Variants in UBE2K observed in about 807,000 individuals in gnomAD.
UBE2K encodes the protein ubiquitin conjugating enzyme E2 K.
Under a neutral mutation model 30.0 loss-of-function variants are expected in UBE2K, and 6 were observed. That is an observed-to-expected ratio of 0.20 (90% CI 0.11 to 0.39). The LOEUF (loss-of-function observed/expected upper bound fraction) is 0.39. UBE2K is among the 10% of genes least tolerant of loss of function. UBE2K has a pLI of 1.00. For missense variants in UBE2K, 61 were observed against 241.6 expected (o/e 0.25, Z 4.96); for synonymous variants, 86 against 83.7 (o/e 1.03, Z -0.15).
chr4:39,723,720 G>A (rs927585190), intron 1 of UBE2K, among the ~76,000 whole-genome samples: 22 of 152,260 alleles, frequency 1.4e-4, no homozygotes, highest in African/African-American at 5.3e-4. Context: ...GAATGTCTTT[G>A]TAATTTAAAT....
At chr4:39,733,916 C>T (rs948252845) in intron 1 of UBE2K, among the ~76,000 whole-genome samples, 10 of 151,944 alleles carry the variant, frequency 6.6e-5, no homozygotes, top group Admixed American at 2.6e-4. Flanking sequence ...ACTTTAAGTT[C>T]GCTTGTGGGA....
At chr4:39,715,183 G>T (rs866106609) in intron 1 of UBE2K, among the ~76,000 whole-genome samples, 1 of 151,442 alleles carries the variant, frequency 6.6e-6, no homozygotes, top group African/African-American at 2.4e-5. Flanking sequence ...CCGCCACCAC[G>T]CCCGGATAAT....
intron 1 of UBE2K, among the ~76,000 whole-genome samples, chr4:39,718,807 G>A (rs1051559328): frequency 2.6e-5 from 4 of 152,236 alleles, no homozygotes; most frequent in African/African-American, 7.2e-5. Flanking sequence ...TGCTGAGCCC[G>A]CCAAGCCCAC....
chr4:39,760,893 C>CT (rs879452976), intron 4 of UBE2K: 1 of 152,164 alleles, frequency 6.6e-6, no homozygotes, highest in African/African-American at 2.4e-5. Context: ...TAAAAATACT[C>CT]TATTTTTATC....
chr4:39,776,055 C>G (rs553011882), intron 5 of UBE2K, among the ~76,000 whole-genome samples: 1 of 152,284 alleles, frequency 6.6e-6, no homozygotes, highest in East Asian at 1.9e-4. Flanking sequence ...GCCCTCTCTC[C>G]TAAGCACGAG....
chr4:39,755,860 A>AT (rs11389468), intron 4 of UBE2K, 121 bp downstream of exon 4: 539,671 of 682,896 alleles, frequency 0.79, 215,060 homozygotes, highest in East Asian at 0.92. Context: ...CAGTAACTTT[A>AT]AAAGTCTCTT....
At chr4:39,727,372 G>C (rs1719812124) in intron 1 of UBE2K, among the ~76,000 whole-genome samples, 2 of 152,028 alleles carry the variant, frequency 1.3e-5, no homozygotes, top group South Asian at 4.1e-4. Context: ...CTTATGGGGG[G>C]AGCGCTGAGA....
chr4:39,773,982 C>G (rs1464698215), intron 4 of UBE2K, among the ~76,000 whole-genome samples: 1 of 151,950 alleles, frequency 6.6e-6, no homozygotes, highest in Non-Finnish European at 1.5e-5. Context: ...AAGGACAGTT[C>G]AGAATTCGAG....
At chr4:39,712,465 T>C (rs933141896) in intron 1 of UBE2K, among the ~76,000 whole-genome samples, 2 of 151,126 alleles carry the variant, frequency 1.3e-5, no homozygotes, top group Non-Finnish European at 2.9e-5. Flanking sequence ...ACTCTCGCTT[T>C]ATCGCCCAGG....
At position 39,717,378 on chromosome 4, in the gene UBE2K, A is replaced by G. The variant is rs369848073; in HGVS notation, c.63+18988A>G. On this transcript the variant is annotated intron_variant, in intron 1 of 6. Coordinates refer to ENST00000261427, the MANE Select transcript of UBE2K (RefSeq NM_005339.5). ...CCTGAGTAGCTGGGATTACAGATGC[A>G]TGCTGCCACACCCGGCTAATTTTTG... Among the ~76,000 whole-genome samples the G allele has an allele frequency of 2.8e-4, 42 of 152,056 alleles. No individual in the cohort carries two copies. In the East Asian group the frequency reaches 7.2e-3, roughly 26 times the overall value.
At chr4:39,762,730 G>A (rs1428699073) in intron 4 of UBE2K, among the ~76,000 whole-genome samples, 1 of 152,190 alleles carries the variant, frequency 6.6e-6, no homozygotes, top group Non-Finnish European at 1.5e-5. Context: ...CGCCTGCTGG[G>A]TTCAAGCGAT....
chr4:39,759,942 A>G (rs981038102), intron 4 of UBE2K, among the ~76,000 whole-genome samples: 3 of 152,052 alleles, frequency 2.0e-5, no homozygotes, highest in African/African-American at 7.2e-5. Flanking sequence ...TTGGGAGGCC[A>G]AGGTAGGTGG....
rs1472463362 is a variant in UBE2K, at chr4:39,782,090, C to G, written c.*3656C>G. 2 of 396,570 alleles carry G rather than the reference C, an allele frequency of 5.0e-6. No individual in the cohort carries two copies. Among genetic ancestry groups the G allele is most frequent in the East Asian group, 7.1e-5 (2 of 28,008 alleles). 24.6% of individuals were successfully genotyped at this position (396,570 alleles called of 1,614,324 possible). A position where few individuals can be genotyped will look rare whatever the true frequency, so the allele number is the denominator to read the frequency against. The stretch of plus-strand genomic sequence containing the variant: ...CTCCCTTGTCCCATTTGTTCTGTTA[C>G]TGCTTCATTGGACTGATACACCCTC... On this transcript the variant is annotated 3_prime_UTR_variant, in exon 7 of 7. Coordinates refer to ENST00000261427, the MANE Select transcript of UBE2K (RefSeq NM_005339.5).
intron 1 of UBE2K, 84 bp from the exon 2 acceptor site, chr4:39,737,336 G>A: frequency 3.0e-6 from 2 of 671,186 alleles, no homozygotes; most frequent in Non-Finnish European, 4.8e-6. Flanking sequence ...TATGAAAGAG[G>A]GGGTTTCAAG....
chr4:39,734,266 C>T (rs771543976), intron 1 of UBE2K, among the ~76,000 whole-genome samples: 3 of 151,858 alleles, frequency 2.0e-5, no homozygotes, highest in Non-Finnish European at 2.9e-5. Flanking sequence ...CCACCATGCC[C>T]GGCTAATTTT....
intron 1 of UBE2K, among the ~76,000 whole-genome samples, chr4:39,715,695 G>T (rs1013844154): frequency 2.6e-5 from 4 of 152,022 alleles, no homozygotes; most frequent in African/African-American, 9.7e-5. Context: ...TAATTTTAAG[G>T]TATTCAGATT....
chr4:39,707,540 T>G (rs1326258601), intron 1 of UBE2K, among the ~76,000 whole-genome samples: 3 of 149,876 alleles, frequency 2.0e-5, no homozygotes, highest in Non-Finnish European at 3.0e-5. Flanking sequence ...TAGGTGCCTT[T>G]TTTTTTTTTT....
At chr4:39,727,585 T>A (rs1005616165) in intron 1 of UBE2K, among the ~76,000 whole-genome samples, 7 of 151,952 alleles carry the variant, frequency 4.6e-5, no homozygotes, top group African/African-American at 1.7e-4. Context: ...GATCTTTTTT[T>A]TTTTTTTCCA....
intron 1 of UBE2K, among the ~76,000 whole-genome samples, chr4:39,729,946 A>G (rs1024680665): frequency 6.6e-6 from 1 of 152,246 alleles, no homozygotes. Flanking sequence ...TGTCTGCTAA[A>G]TGTTCTTCAT....
Sources: allele counts gnomAD v4.1 joint callset (sites outside exome capture counted in the v4.1 genomes callset), GRCh38; gene constraint gnomAD v4.1.1; transcripts MANE v1.5; gene names NCBI Gene and HGNC (gene_info 2026-07-23, HGNC 2026-07-21).